The following CCDC171 variants were observed in gnomAD, a reference collection of about 807,000 sequenced individuals.
CCDC171 encodes coiled-coil domain-containing protein 171.
In CCDC171, 177 loss-of-function variants were observed where a neutral mutation model predicts 168.2. That is an observed-to-expected ratio of 1.05 (90% CI 0.93 to 1.19). CCDC171 has a LOEUF of 1.19. Ranked by LOEUF, CCDC171 falls within the 50% of genes most tolerant of loss-of-function variation. The pLI is 0.00. For synonymous variants in CCDC171, 687 were observed against 540.8 expected, an observed-to-expected ratio of 1.27 and a Z score of -3.75; for missense variants, 1,991 against 1,539.0, an observed-to-expected ratio of 1.29 and a Z score of -4.91.
chr9:15,652,028 C>T (rs2047566065), intron 7 of CCDC171, among the ~76,000 whole-genome samples: 1 of 152,126 alleles, frequency 6.6e-6, no homozygotes, highest in Non-Finnish European at 1.5e-5. Flanking sequence ...TCCACTTTAG[C>T]CTCCCAAGTA....
intron 21 of CCDC171, among the ~76,000 whole-genome samples, chr9:15,811,204 C>A (rs2059342182): frequency 6.6e-6 from 1 of 152,182 alleles, no homozygotes; most frequent in Admixed American, 6.5e-5. Flanking sequence ...AAAGCCAGAT[C>A]TTTCTTTTGC....
intron 21 of CCDC171, among the ~76,000 whole-genome samples, chr9:15,797,833 G>A (rs116427865): frequency 1.3e-5 from 2 of 152,076 alleles, no homozygotes; most frequent in Non-Finnish European, 2.9e-5. Context: ...TGGTGTAAGG[G>A]TTGAAGTTTA....
At chr9:15,743,424 A>C (rs75011204) in intron 16 of CCDC171, among the ~76,000 whole-genome samples, 1 of 152,082 alleles carries the variant, frequency 6.6e-6, no homozygotes, top group South Asian at 2.1e-4. Context: ...CTCTTGCCTC[A>C]GCCTCCCAAA....
Position 15,990,337 on chromosome 9 carries a change from C to T in CCDC171, n.369-30252C>T, listed in dbSNP as rs149643168. Among the ~76,000 whole-genome samples the T allele has an allele frequency of 2.3e-3, 344 of 152,102 alleles. 1 individual carries two copies. The highest frequency in any genetic ancestry group is 6.1e-3 in the African/African-American group (252 of 41,438). ...ATCCAGCCAAACTAAGCTTCATAAG[C>T]GAAGGAGAAATAAAATCCTTAACAG... On this transcript the variant is annotated intron_variant and non_coding_transcript_variant, in intron 3 of 9. Coordinates refer to the CCDC171 transcript ENST00000486641.
At chr9:15,977,326 G>A (rs1297714151), downstream of CCDC171, among the ~76,000 whole-genome samples, 1 of 152,132 alleles carries the variant, frequency 6.6e-6, no homozygotes, top group Non-Finnish European at 1.5e-5. Flanking sequence ...TTCCATGGAC[G>A]TTGCGATGGG....
intron 24 of CCDC171, among the ~76,000 whole-genome samples, chr9:15,897,050 C>A (rs1041599857): frequency 1.3e-5 from 2 of 152,016 alleles, no homozygotes; most frequent in African/African-American, 4.8e-5. Flanking sequence ...GTCTCTGAGT[C>A]CCATTCCTTC....
At chr9:15,571,790 A>G (rs749870818) in intron 3 of CCDC171, 31 bp downstream of exon 3, 136 of 1,550,688 alleles carry the variant, frequency 8.8e-5, no homozygotes, top group Non-Finnish European at 1.2e-4. Flanking sequence ...AAATAATGTT[A>G]AAAGTTGAGT....
chr9:15,965,670 T>A (rs544811036), intron 25 of CCDC171, among the ~76,000 whole-genome samples: 1 of 147,396 alleles, frequency 6.8e-6, no homozygotes, highest in South Asian at 2.2e-4. Context: ...TCATATCATT[T>A]GAGAAGAGTG....
chr9:15,669,037 T>C (rs890408497), intron 9 of CCDC171, among the ~76,000 whole-genome samples: 1 of 152,218 alleles, frequency 6.6e-6, no homozygotes, highest in Non-Finnish European at 1.5e-5. Flanking sequence ...TTTATCATGC[T>C]TGAACCTGCC....
intron 11 of CCDC171, among the ~76,000 whole-genome samples, chr9:15,698,366 A>G (rs544623426): frequency 2.4e-4 from 36 of 152,096 alleles, no homozygotes; most frequent in African/African-American, 8.7e-4. Context: ...CTAAAAATAC[A>G]AAAAATTAGC....
At chr9:15,959,747 G>A (rs1423717457) in intron 25 of CCDC171, among the ~76,000 whole-genome samples, 7 of 152,144 alleles carry the variant, frequency 4.6e-5, no homozygotes, top group Non-Finnish European at 1.0e-4. Flanking sequence ...CAGAGAAGGA[G>A]ATGTGAAGTG....
intron 3 of CCDC171, among the ~76,000 whole-genome samples, chr9:15,572,422 C>G (rs2040305493): frequency 6.6e-6 from 1 of 152,112 alleles, no homozygotes; most frequent in African/African-American, 2.4e-5. Flanking sequence ...TATTCCTGGC[C>G]TTTCCATTTA....
chr9:15,596,073 A>T (rs900250889), intron 6 of CCDC171, among the ~76,000 whole-genome samples: 2 of 151,746 alleles, frequency 1.3e-5, no homozygotes, highest in Admixed American at 6.6e-5. Context: ...GATTGCAAAA[A>T]TTTTCTCCCA....
At chr9:15,757,786 T>C (rs1047389106) in intron 18 of CCDC171, among the ~76,000 whole-genome samples, 7 of 152,176 alleles carry the variant, frequency 4.6e-5, no homozygotes, top group African/African-American at 1.7e-4. Flanking sequence ...CTGCTCCAGC[T>C]GTGGGGCTGA....
chr9:16,106,451 TC>T, the CCDC171 span, among the ~76,000 whole-genome samples: 1 of 152,022 alleles, frequency 6.6e-6, no homozygotes, highest in Non-Finnish European at 1.5e-5. Context: ...CTCCCGGGCC[TC>T]CCAACCCAGT....
At chr9:16,010,072 G>A (rs1431021153) in intron 3 of CCDC171, among the ~76,000 whole-genome samples, 2 of 152,116 alleles carry the variant, frequency 1.3e-5, no homozygotes, top group Non-Finnish European at 2.9e-5. Context: ...TGCCTCAACA[G>A]AGTACCCAAC....
At chr9:15,960,076 G>A (rs1830197536) in intron 25 of CCDC171, among the ~76,000 whole-genome samples, 2 of 152,174 alleles carry the variant, frequency 1.3e-5, no homozygotes, top group Non-Finnish European at 2.9e-5. Context: ...TGTATGAGCA[G>A]GACAGGGAAG....
intron 24 of CCDC171, among the ~76,000 whole-genome samples, chr9:15,891,458 C>G (rs1263367880): frequency 6.6e-6 from 1 of 152,108 alleles, no homozygotes; most frequent in Non-Finnish European, 1.5e-5. Flanking sequence ...ATTGTCAGAT[C>G]TGATCAAAGC....
intron 21 of CCDC171, among the ~76,000 whole-genome samples, chr9:15,830,596 G>A (rs1451923840): frequency 6.6e-6 from 1 of 152,156 alleles, no homozygotes; most frequent in Non-Finnish European, 1.5e-5. Context: ...GCTTTACCAT[G>A]TAGAACAATG....
Sources: allele counts gnomAD v4.1 joint callset (sites outside exome capture counted in the v4.1 genomes callset), GRCh38; gene constraint gnomAD v4.1.1; transcripts MANE v1.5; gene names NCBI Gene and HGNC (gene_info 2026-07-23, HGNC 2026-07-21).